The following THRAP3 variants were observed in gnomAD, a reference collection of about 807,000 sequenced individuals.
The protein encoded by THRAP3 is thyroid hormone receptor-associated protein 3.
In THRAP3, 16 loss-of-function variants were observed where a neutral mutation model predicts 101.0. That is an observed-to-expected ratio of 0.16 (90% CI 0.11 to 0.24). THRAP3 has a LOEUF of 0.24. Among genes scored for constraint, THRAP3 ranks in the 10% least tolerant of loss-of-function variants. The probability of loss-of-function intolerance (pLI) is 1.00; values close to 1 mark genes in which losing one functional copy is unlikely to be tolerated. For missense variants in THRAP3, 989 were observed against 1,202.7 expected, an observed-to-expected ratio of 0.82 and a Z score of 2.63; for synonymous variants, 407 against 422.6, an observed-to-expected ratio of 0.96 and a Z score of 0.45.
chr1:36,216,304 G>A, the THRAP3 span, among the ~76,000 whole-genome samples: 1 of 151,874 alleles, frequency 6.6e-6, no homozygotes, highest in South Asian at 2.1e-4. Flanking sequence ...TGGCTCACCT[G>A]AGGTCAAGAG....
At chr1:36,292,903 A>G (rs1320590882) in intron 7 of THRAP3, among the ~76,000 whole-genome samples, 194 bp downstream of exon 7, 3 of 152,030 alleles carry the variant, frequency 2.0e-5, no homozygotes, top group Non-Finnish European at 4.4e-5. Context: ...AGTCTCTCAC[A>G]TTGGGCCTGA....
At position 36,287,063 on chromosome 1, in the gene THRAP3, C is replaced by A. The variant is rs776945478; in HGVS notation, c.833C>A (p.Ser278Tyr). Reference protein sequence around the residue: ...SPVPKPSPPLSSTSQMGSTLP... With the variant: ...SPVPKPSPPLYSTSQMGSTLP... ...GTGCCAAAACCTAGTCCTCCACTTT[C>A]CAGCACATCCCAGATGGGCTCAACT... Residue 278 changes from serine (S) to tyrosine (Y), a missense_variant, in exon 4 of 12, where the codon TCC becomes TAC. By Grantham distance (144) the Ser-to-Tyr change is moderately radical. Transcript: ENST00000354618. 5 of 1,613,648 alleles carry A rather than the reference C, an allele frequency of 3.1e-6. No homozygotes were observed. Among genetic ancestry groups the A allele is most frequent in the East Asian group, 2.2e-5 (1 of 44,884 alleles).
At chr1:36,228,049 T>C (rs1434147998) in intron 1 of THRAP3, among the ~76,000 whole-genome samples, 1 of 146,814 alleles carries the variant, frequency 6.8e-6, no homozygotes, top group Non-Finnish European at 1.5e-5. Flanking sequence ...CCTCTTTTTT[T>C]TTTTTTTTTT....
intron 1 of THRAP3, chr1:36,224,921 G>T (rs1457465364): frequency 6.6e-6 from 1 of 152,244 alleles, no homozygotes; most frequent in African/African-American, 2.4e-5. Flanking sequence ...CTCCTAGGGC[G>T]CATGTGGCTG....
intron 1 of THRAP3, among the ~76,000 whole-genome samples, chr1:36,258,768 T>C (rs973041411): frequency 1.3e-5 from 2 of 152,200 alleles, no homozygotes; most frequent in East Asian, 3.9e-4. Context: ...CGTGAGCCAC[T>C]GCCCCTGTAA....
chr1:36,289,036 T>C (rs781245965), intron 4 of THRAP3, 24 bp from the exon 5 acceptor site: 1 of 1,537,134 alleles, frequency 6.5e-7, no homozygotes, highest in African/African-American at 1.4e-5. Flanking sequence ...CTCTTGTGTC[T>C]CTCTCTTGTG....
chr1:36,218,330 C>T, the THRAP3 span, among the ~76,000 whole-genome samples: 25 of 147,722 alleles, frequency 1.7e-4, no homozygotes, highest in African/African-American at 4.3e-4. Context: ...GATTGCATCA[C>T]GCAGTGAGCA....
At chr1:36,274,074 TGTCACACACACACACACA>T (rs1400719175) in intron 2 of THRAP3, among the ~76,000 whole-genome samples, 6 of 126,048 alleles carry the variant, frequency 4.8e-5, no homozygotes, top group South Asian at 2.4e-4. Flanking sequence ...TGTGTGTGTG[TGTCACACACACACACACA>T]CACACACACA....
At chr1:36,262,854 C>T (rs1043768256) in intron 2 of THRAP3, among the ~76,000 whole-genome samples, 17 of 150,816 alleles carry the variant, frequency 1.1e-4, no homozygotes, top group African/African-American at 3.9e-4. Flanking sequence ...AGTGCAGTGG[C>T]GCGATCTCGG....
upstream of THRAP3, among the ~76,000 whole-genome samples, chr1:36,220,837 C>T (rs12049058): frequency 6.6e-6 from 1 of 151,290 alleles, no homozygotes; most frequent in Admixed American, 6.6e-5. Context: ...TACCTGTAAT[C>T]TCAGCTACTC....
At chr1:36,253,933 A>G (rs892054462) in intron 1 of THRAP3, among the ~76,000 whole-genome samples, 2 of 151,900 alleles carry the variant, frequency 1.3e-5, no homozygotes, top group African/African-American at 4.8e-5. Context: ...ATTCATTAAG[A>G]AACATTATCA....
At chr1:36,239,323 G>A (rs1392473244) in intron 1 of THRAP3, among the ~76,000 whole-genome samples, 3 of 145,582 alleles carry the variant, frequency 2.1e-5, no homozygotes, top group Non-Finnish European at 4.5e-5. Context: ...GCAGTGGCTC[G>A]ATGTCAGCTT....
chr1:36,263,138 C>T (rs888297538), intron 2 of THRAP3, among the ~76,000 whole-genome samples: 14 of 151,734 alleles, frequency 9.2e-5, no homozygotes, highest in Admixed American at 7.9e-4. Context: ...GAGGCTCTGT[C>T]GCCAAGGCTG....
At position 36,289,113 on chromosome 1, in the gene THRAP3, C is replaced by T. The variant is rs866389244; in HGVS notation, c.1094C>T (p.Thr365Ile). 3.7e-6 allele frequency: 6 copies of T among 1,609,828 alleles called. No individual in the cohort carries two copies. Among genetic ancestry groups the T allele is most frequent in the Non-Finnish European group, 5.1e-6 (6 of 1,179,026 alleles). The stretch of plus-strand genomic sequence containing the variant: ...GGAAAAGATAAGGAACAGAAACAAA[C>T]AAATACCGATAAAGAAAAAATAAAA... ...ENGKDKEQKQ[T>I]NTDKEKIKEK... is the part of the protein sequence containing the mutation. The change falls in exon 5 of 12, where the codon ACA becomes ATA. Residue 365 changes from threonine to isoleucine, a missense_variant. Transcript: ENST00000354618.
intron 1 of THRAP3, among the ~76,000 whole-genome samples, chr1:36,253,779 T>TTTTTTTA (rs1553194133): frequency 2.9e-5 from 4 of 139,562 alleles, no homozygotes; most frequent in East Asian, 4.2e-4. Flanking sequence ...TTTTTTTTTT[T>TTTTTTTA]AGTTTTTGTA....
chr1:36,275,209 G>T (rs1177727002), intron 2 of THRAP3, among the ~76,000 whole-genome samples: 1 of 149,842 alleles, frequency 6.7e-6, no homozygotes, highest in Non-Finnish European at 1.5e-5. Flanking sequence ...AGAATGGCAT[G>T]AATCTGCAAG....
intron 1 of THRAP3, among the ~76,000 whole-genome samples, chr1:36,228,771 A>G (rs1644991486): frequency 6.6e-6 from 1 of 152,200 alleles, no homozygotes. Flanking sequence ...TTCTCCTTCT[A>G]CCATATTCGT....
chr1:36,295,955 T>C (rs940117125), intron 8 of THRAP3, among the ~76,000 whole-genome samples: 131 of 21,854 alleles, frequency 6.0e-3, no homozygotes, highest in African/African-American at 0.024. Flanking sequence ...CCTTCTCAAC[T>C]TTTTTTTTTT....
At chr1:36,229,429 T>TG (rs1261868620) in intron 1 of THRAP3, among the ~76,000 whole-genome samples, 1 of 100,542 alleles carries the variant, frequency 9.9e-6, no homozygotes, top group Admixed American at 1.3e-4. Context: ...TTTTGTTTTT[T>TG]TTTTTTTGAG....
Sources: allele counts gnomAD v4.1 joint callset (sites outside exome capture counted in the v4.1 genomes callset), GRCh38; gene constraint gnomAD v4.1.1; transcripts MANE v1.5; gene names NCBI Gene and HGNC (gene_info 2026-07-23, HGNC 2026-07-21).